Variants in ANKIB1 observed in about 807,000 individuals in gnomAD.
The protein encoded by ANKIB1 is ankyrin repeat and IBR domain-containing protein 1.
ANKIB1 carries 43 observed loss-of-function variants against 122.1 expected under a neutral mutation model. The observed-to-expected ratio is 0.35, with a 90% CI of 0.28 to 0.45. The LOEUF (loss-of-function observed/expected upper bound fraction) is 0.45, where lower values mean the gene tolerates loss of function less well. Ranked by LOEUF, ANKIB1 falls within the 20% of genes least tolerant of loss-of-function variation. The probability of loss-of-function intolerance (pLI) is 1.00; values close to 1 mark genes in which losing one functional copy is unlikely to be tolerated. For missense variants in ANKIB1, 992 were observed against 1,329.5 expected (o/e 0.75, Z 3.95); for synonymous variants, 390 against 442.0 (o/e 0.88, Z 1.48).
At chr7:92,261,071 C>A (rs180773391) in intron 1 of ANKIB1, among the ~76,000 whole-genome samples, 17 of 151,964 alleles carry the variant, frequency 1.1e-4, no homozygotes, top group Admixed American at 1.0e-3. Flanking sequence ...GTTTTTTGGC[C>A]GGGCGCGGTG....
intron 15 of ANKIB1, 42 bp downstream of exon 15, chr7:92,390,158 T>C: frequency 7.1e-7 from 1 of 1,417,666 alleles, no homozygotes; most frequent in Non-Finnish European, 9.4e-7. Context: ...GCAGTTATTA[T>C]GAAATACAGA....
chr7:92,376,959 A>G (rs535149646), intron 11 of ANKIB1, among the ~76,000 whole-genome samples: 2 of 152,298 alleles, frequency 1.3e-5, no homozygotes, highest in East Asian at 1.9e-4. Context: ...CAAATTTTCA[A>G]CATATCAACA....
At chr7:92,340,815 T>C (rs1171663728) in intron 5 of ANKIB1, among the ~76,000 whole-genome samples, 1 of 152,232 alleles carries the variant, frequency 6.6e-6, no homozygotes, top group Non-Finnish European at 1.5e-5. Flanking sequence ...GGTGAAAAGA[T>C]ATGGATAGGT....
intron 5 of ANKIB1, among the ~76,000 whole-genome samples, chr7:92,341,717 C>G (rs1255600037): frequency 6.6e-6 from 1 of 152,174 alleles, no homozygotes; most frequent in African/African-American, 2.4e-5. Flanking sequence ...TGTATATACA[C>G]AGATAGTCCC....
chr7:92,252,697 T>A (rs1487641515), intron 1 of ANKIB1, among the ~76,000 whole-genome samples: 2 of 152,192 alleles, frequency 1.3e-5, no homozygotes, highest in African/African-American at 2.4e-5. Flanking sequence ...TTTAAGGTAT[T>A]CCTGACTTAG....
Position 92,351,073 on chromosome 7 carries a change from A to G in ANKIB1, c.1209A>G (p.Arg403=). ...ESVVSKEMDK[R]YLQFDIKAFV... ...TAGTTTCAAAGGAGATGGACAAACGATACCTACAGTTTGATATTAAGGTAA... is the reference window on the plus strand; with the variant it reads ...TAGTTTCAAAGGAGATGGACAAACGGTACCTACAGTTTGATATTAAGGTAA... Residue 403 remains arginine (R), a synonymous_variant, in exon 8 of 20, where the codon CGA becomes CGG. Transcript: ENST00000265742. 1.3e-6 allele frequency: 2 copies of G among 1,576,246 alleles called. No individual in the cohort carries two copies. The highest frequency in any genetic ancestry group is 1.3e-5 in the African/African-American group (1 of 74,400).
In ANKIB1 at chr7:92,396,367, A is replaced by T; in HGVS notation, c.2286A>T (p.Glu762Asp). Residue 762 changes from glutamate (E) to aspartate (D), a missense_variant and splice_region_variant, in exon 18 of 20, where the codon GAA becomes GAT. Physicochemically the swap from Glu to Asp is conservative, Grantham distance 45. Transcript: ENST00000265742. ...TTTATAACCTTTGGTTTATGCAGGAATATGCTGAATTTCAGTATCGGAGGA... is the reference window on the plus strand; with the variant it reads ...TTTATAACCTTTGGTTTATGCAGGATTATGCTGAATTTCAGTATCGGAGGA... ...WEYLGFASPEEYAEFQYRRRH... is the reference protein window; with the variant it reads ...WEYLGFASPEDYAEFQYRRRH... The T allele has an allele frequency of 1.9e-6, 3 of 1,539,812 alleles. No individual in the cohort carries two copies. The highest frequency in any genetic ancestry group is 2.7e-6 in the Non-Finnish European group (3 of 1,123,556).
chr7:92,386,407 C>G, intron 11 of ANKIB1, 102 bp from the exon 12 acceptor site: 2 of 1,297,130 alleles, frequency 1.5e-6, no homozygotes, highest in Non-Finnish European at 2.1e-6. Context: ...ACTGGTCACA[C>G]AAGCACAATT....
chr7:92,363,242 C>G (rs1201985974), intron 10 of ANKIB1, among the ~76,000 whole-genome samples: 3 of 152,116 alleles, frequency 2.0e-5, no homozygotes, highest in Non-Finnish European at 4.4e-5. Context: ...GAAACCCCAT[C>G]TCTACTAAAA....
At chr7:92,383,188 C>T (rs989690826) in intron 11 of ANKIB1, among the ~76,000 whole-genome samples, 3 of 151,954 alleles carry the variant, frequency 2.0e-5, no homozygotes, top group African/African-American at 7.2e-5. Context: ...AAGACTAAAC[C>T]AGGAAGAAGT....
rs1294329854 is a variant in ANKIB1 at position 92,399,207 on chromosome 7, T to C, written c.*258T>C. On this transcript the variant is annotated 3_prime_UTR_variant, in exon 20 of 20. Transcript: ENST00000265742. ...AGAGCAAGAGAAAGAGAAACAAAAA[T>C]GAAATAAATAAGTTGTATTCCACAC... 2 of 297,338 alleles carry C rather than the reference T, an allele frequency of 6.7e-6. No individual in the cohort carries two copies. Among genetic ancestry groups the C allele is most frequent in the Non-Finnish European group, 1.2e-5 (2 of 163,900 alleles). 18.4% of individuals were successfully genotyped at this position (297,338 alleles called of 1,614,324 possible).
intron 1 of ANKIB1, among the ~76,000 whole-genome samples, chr7:92,293,905 G>A (rs1189383143): frequency 6.6e-6 from 1 of 152,066 alleles, no homozygotes; most frequent in African/African-American, 2.4e-5. Context: ...AATGAAACTA[G>A]CATTTATTGG....
At chr7:92,313,436 C>T (rs566862835) in intron 3 of ANKIB1, among the ~76,000 whole-genome samples, 30 of 152,192 alleles carry the variant, frequency 2.0e-4, no homozygotes, top group African/African-American at 6.3e-4. Flanking sequence ...ATTATATTTC[C>T]GGTTCAGTAG....
rs569259643 is a variant in ANKIB1 at position 92,355,699 on chromosome 7, A to C, written c.1397+3057A>C. Among the ~76,000 whole-genome samples, 358 of 151,902 alleles carry C rather than the reference A, an allele frequency of 2.4e-3. 2 individuals are homozygous for C. Among genetic ancestry groups the C allele is most frequent in the African/African-American group, 8.1e-3 (336 of 41,440 alleles). ...CCTGTCTCTACTAAAAATACAAAAA[A>C]TTAGCCAGGCGTGGTGGCATGCTCC... On this transcript the variant is annotated intron_variant, in intron 9 of 19. Coordinates refer to ENST00000265742, the MANE Select transcript of ANKIB1 (RefSeq NM_019004.2).
rs939247560 is a variant in ANKIB1, at chr7:92,397,737, G to A, written c.2410G>A (p.Gly804Ser). The change falls in exon 19 of 20, where the codon GGC becomes AGC. Residue 804 changes from glycine to serine, a missense_variant. Transcript: ENST00000265742. ...CTTTGAAACAGATATTCCAGAAGGCGGCAGCAGCAGCCGCAGGCCTGGCAC... is the reference window on the plus strand; with the variant it reads ...CTTTGAAACAGATATTCCAGAAGGCAGCAGCAGCAGCCGCAGGCCTGGCAC... ...SESTLDIPEG[G>S]SSSRRPGTSV... 1.7e-5 allele frequency: 27 copies of A among 1,611,576 alleles called. No individual in the cohort carries two copies. The highest frequency in any genetic ancestry group is 2.1e-5 in the Non-Finnish European group (25 of 1,179,112).
intron 3 of ANKIB1, among the ~76,000 whole-genome samples, chr7:92,314,064 G>A (rs753460744): frequency 2.9e-4 from 44 of 152,202 alleles, no homozygotes; most frequent in African/African-American, 8.2e-4. Flanking sequence ...TTGGTTGGCC[G>A]AGGCGGGAGC....
At chr7:92,364,490 A>G (rs901169716) in intron 10 of ANKIB1, among the ~76,000 whole-genome samples, 2 of 152,000 alleles carry the variant, frequency 1.3e-5, no homozygotes, top group Non-Finnish European at 2.9e-5. Flanking sequence ...GCACCTTTAG[A>G]TGTGACAAAA....
intron 5 of ANKIB1, among the ~76,000 whole-genome samples, chr7:92,338,880 C>T (rs1803354193): frequency 8.6e-6 from 1 of 116,152 alleles, no homozygotes; most frequent in South Asian, 3.1e-4. Context: ...CCACTGCACT[C>T]CAGCCTGGGC....
At chr7:92,372,141 C>G (rs1421889052) in intron 11 of ANKIB1, among the ~76,000 whole-genome samples, 1 of 152,072 alleles carries the variant, frequency 6.6e-6, no homozygotes, top group East Asian at 1.9e-4. Flanking sequence ...ACAATTGGCT[C>G]TCTGTATCCA....
Sources: allele counts gnomAD v4.1 joint callset (sites outside exome capture counted in the v4.1 genomes callset), GRCh38; gene constraint gnomAD v4.1.1; transcripts MANE v1.5; gene names NCBI Gene and HGNC (gene_info 2026-07-23, HGNC 2026-07-21).